The following ABHD16A variants were observed in gnomAD, a reference collection of about 807,000 sequenced individuals.
ABHD16A encodes the protein phosphatidylserine lipase ABHD16A.
A neutral mutation model predicts 89.8 loss-of-function variants in ABHD16A; 47 were observed. The observed-to-expected ratio is 0.52, with a 90% CI of 0.41 to 0.67. The LOEUF is 0.67. ABHD16A is among the 30% of genes least tolerant of loss of function. ABHD16A has a pLI of 0.00. For synonymous variants in ABHD16A, 251 were observed against 280.4 expected (o/e 0.90, Z 1.05); for missense variants, 580 against 734.6 (o/e 0.79, Z 2.43).
At chr6:31,699,408 CAAAAAA>C (rs9281558) in intron 4 of ABHD16A, among the ~76,000 whole-genome samples, 1 of 54,266 alleles carries the variant, frequency 1.8e-5, no homozygotes, top group South Asian at 6.3e-4. Flanking sequence ...GACTCCGTCT[CAAAAAA>C]AAAAAAAAAA....
At chr6:31,696,546 T>C (rs531671228) in intron 5 of ABHD16A, among the ~76,000 whole-genome samples, 1 of 151,040 alleles carries the variant, frequency 6.6e-6, no homozygotes, top group Admixed American at 6.6e-5. Flanking sequence ...GACAGGAGAA[T>C]CACTTGAACC....
chr6:31,687,345 G>A lies in ABHD16A; in HGVS notation c.1594-50C>T. ...GGGGTACAGAGCACTGTTGGGAGGG[G>A]CAGCCACTGGACTCCCTCCCCACCC... On this transcript the variant is annotated intron_variant, in intron 19 of 19. Coordinates refer to ENST00000395952, the MANE Select transcript of ABHD16A (RefSeq NM_021160.3). This position sits in a 1 kb window ranked among gnomAD's most constrained non-coding sequence, Gnocchi z 6.3. 1 of 1,595,650 alleles carries A rather than the reference G, an allele frequency of 6.3e-7. No individual in the cohort carries two copies.
chr6:31,702,828 G>T, intron 1 of ABHD16A: 2 of 1,404,104 alleles, frequency 1.4e-6, no homozygotes, highest in Non-Finnish European at 1.9e-6. Flanking sequence ...CGGCTCCCCA[G>T]TCCGCGCAGG....
chr6:31,702,956 A>T, intron 1 of ABHD16A, 194 bp downstream of exon 1: 1 of 1,297,726 alleles, frequency 7.7e-7, no homozygotes. Context: ...AGCGGTAAAG[A>T]GCGAAAAAGA....
intron 11 of ABHD16A, 151 bp downstream of exon 11, chr6:31,689,927 C>T (rs1020000205): frequency 8.8e-7 from 1 of 1,138,364 alleles, no homozygotes; most frequent in Non-Finnish European, 1.2e-6. Context: ...GGCATGGCTC[C>T]CAATGCTGCC....
chr6:31,687,387 C>T lies in ABHD16A; in HGVS notation c.1594-92G>A, dbSNP rs1803397862. 3 of 1,598,932 alleles carry T rather than the reference C, an allele frequency of 1.9e-6. No individual in the cohort carries two copies. Among genetic ancestry groups the T allele is most frequent in the Non-Finnish European group, 2.6e-6 (3 of 1,167,660 alleles). ...TCCCCACCCTCCACTTCCGCATCCA[C>T]CACCCACTCTACAAAAGCTGCCACT... On this transcript the variant is annotated intron_variant, in intron 19 of 19. Transcript: ENST00000395952. The surrounding 1 kb of genome is among the most constrained non-coding windows in gnomAD (Gnocchi z 6.3).
At position 31,687,190 on chromosome 6, in the gene ABHD16A, CATA is replaced by C. The variant is rs1352802173; in HGVS notation, c.*19_*21del. 5 of 1,599,164 alleles carry C rather than the reference CATA, an allele frequency of 3.1e-6. No individual in the cohort carries two copies. Among genetic ancestry groups the C allele is most frequent in the East Asian group, 2.2e-5 (1 of 44,798 alleles). Reference sequence around the variant, plus strand: ...CATGTCTCCTCTCACCCCATTCTTCCATAATGAGTCCCAGTTGGTCCCTAGAGG... The same window carrying C: ...CATGTCTCCTCTCACCCCATTCTTCCATGAGTCCCAGTTGGTCCCTAGAGG... On this transcript the variant is annotated 3_prime_UTR_variant, in exon 20 of 20. Transcript: ENST00000395952. This position sits in a 1 kb window ranked among gnomAD's most constrained non-coding sequence, Gnocchi z 6.3.
At position 31,687,539 on chromosome 6, in the gene ABHD16A, C is replaced by T; in HGVS notation, c.1552G>A (p.Asp518Asn). 6.2e-7 allele frequency: 1 copy of T among 1,613,100 alleles called. No individual in the cohort carries two copies. The highest frequency in any genetic ancestry group is 1.1e-5 in the South Asian group (1 of 91,074). ...TGCCGCCGTCCATCTGCACTCATGT[C>T]CTCCCCTGCAGAGAGGAGGCGCTCA... ...GPDFPWSVGE[D>N]MSADGRRQLA... is the part of the protein sequence containing the mutation. Residue 518 changes from aspartate to asparagine, a missense_variant, in exon 19 of 20, where the codon GAC (aspartate) becomes AAC (asparagine). Transcript: ENST00000395952. The surrounding 1 kb of genome is among the most constrained non-coding windows in gnomAD (Gnocchi z 6.3).
rs1236971366 is a variant in ABHD16A, at chr6:31,693,495, TCAA to T, written c.430-66_430-64del. On this transcript the variant is annotated intron_variant, in intron 5 of 19. Transcript: ENST00000395952. This position sits in a 1 kb window ranked among gnomAD's most constrained non-coding sequence, Gnocchi z 5.0. ...TCAGGGGAGGCTCTCCTACCCACCCTCAACAACACCTTCGTTATCCAGGGGTCT... is the reference window on the plus strand; with the variant it reads ...TCAGGGGAGGCTCTCCTACCCACCCTCAACACCTTCGTTATCCAGGGGTCT... 9.4e-6 allele frequency: 14 copies of T among 1,494,556 alleles called. No homozygotes were observed. The highest frequency in any genetic ancestry group is 1.3e-5 in the Non-Finnish European group (14 of 1,077,830). The allele number at this position is 1,494,556 out of a possible 1,614,324, so 92.6% of individuals were successfully genotyped here.
Position 31,693,884 on chromosome 6 carries a change from G to A in ABHD16A, c.430-452C>T, listed in dbSNP as rs903352804. ...ACCCAAGGTTGAGTGAGACAGAGAGGAGGGAAGTCACGCCCACAGTGGGCT... is the reference window on the plus strand; with the variant it reads ...ACCCAAGGTTGAGTGAGACAGAGAGAAGGGAAGTCACGCCCACAGTGGGCT... On this transcript the variant is annotated intron_variant, in intron 5 of 19. Transcript: ENST00000395952. This position sits in a 1 kb window ranked among gnomAD's most constrained non-coding sequence, Gnocchi z 5.0. Among the ~76,000 whole-genome samples, 1 of 152,202 alleles carries A rather than the reference G, an allele frequency of 6.6e-6. No homozygotes were observed.
intron 3 of ABHD16A, 84 bp from the exon 4 acceptor site, chr6:31,701,112 A>C: frequency 2.2e-6 from 3 of 1,369,620 alleles, no homozygotes; most frequent in Non-Finnish European, 2.1e-6. Flanking sequence ...CCTCCACCCC[A>C]CACTCCCTGT....
Position 31,693,895 on chromosome 6 carries a change from C to T in ABHD16A, c.430-463G>A, listed in dbSNP as rs1450025243. Reference sequence around the variant, plus strand: ...AGTGAGACAGAGAGGAGGGAAGTCACGCCCACAGTGGGCTCCTCTGCCATG... The same window carrying T: ...AGTGAGACAGAGAGGAGGGAAGTCATGCCCACAGTGGGCTCCTCTGCCATG... On this transcript the variant is annotated intron_variant, in intron 5 of 19. Transcript: ENST00000395952. This position sits in a 1 kb window ranked among gnomAD's most constrained non-coding sequence, Gnocchi z 5.0. Among the ~76,000 whole-genome samples the T allele has an allele frequency of 1.3e-5, 2 of 152,192 alleles. No individual in the cohort carries two copies. The highest frequency in any genetic ancestry group is 3.9e-4 in the East Asian group (2 of 5,194).
At chr6:31,702,018 CA>C (rs1805058979) in intron 2 of ABHD16A, 55 bp downstream of exon 2, 1 of 1,605,484 alleles carries the variant, frequency 6.2e-7, no homozygotes, top group Non-Finnish European at 8.5e-7. Context: ...GGGCTAAGTT[CA>C]AGAGGACAGG....
Position 31,690,071 on chromosome 6 carries a change from G to T in ABHD16A, c.957+7C>A. The T allele has an allele frequency of 6.3e-7, 1 of 1,590,254 alleles. No homozygotes were observed. Among genetic ancestry groups the T allele is most frequent in the Non-Finnish European group, 8.6e-7 (1 of 1,169,502 alleles). On this transcript the variant is annotated splice_region_variant and intron_variant, in intron 11 of 19. Coordinates refer to ENST00000395952, the MANE Select transcript of ABHD16A (RefSeq NM_021160.3). The surrounding 1 kb of genome is among the most constrained non-coding windows in gnomAD (Gnocchi z 4.1). ...GGAAAAGGAAGGGATTCCTGAGATG[G>T]TCTCACCGTGCTTCCAGCAAAGCCT...
Position 31,688,535 on chromosome 6 carries a change from C to A in ABHD16A, c.1250+188G>T. The A allele has an allele frequency of 1.2e-6, 1 of 825,612 alleles. No individual in the cohort carries two copies. Among genetic ancestry groups the A allele is most frequent in the South Asian group, 1.7e-5 (1 of 57,996 alleles). The allele number at this position is 825,612 out of a possible 1,614,324, so 51.1% of individuals were successfully genotyped here. A position where few individuals can be genotyped will look rare whatever the true frequency, so the allele number is the denominator to read the frequency against. On this transcript the variant is annotated intron_variant, in intron 14 of 19. Transcript: ENST00000395952. The surrounding 1 kb of genome is among the most constrained non-coding windows in gnomAD (Gnocchi z 4.9). The stretch of plus-strand genomic sequence containing the variant: ...GCCTTAACCCTTTGGTTGCCAGATC[C>A]TGAGGTGGTCCAGAGTCCCAGGGGA...
Position 31,688,123 on chromosome 6 carries a change from A to G in ABHD16A, c.1308-20T>C. 2 of 1,609,294 alleles carry G rather than the reference A, an allele frequency of 1.2e-6. No homozygotes were observed. The highest frequency in any genetic ancestry group is 1.7e-6 in the Non-Finnish European group (2 of 1,177,024). On this transcript the variant is annotated intron_variant, in intron 15 of 19. Transcript: ENST00000395952. This position sits in a 1 kb window ranked among gnomAD's most constrained non-coding sequence, Gnocchi z 4.9. ...GGAACCCTGGGGGTGAGAAGAATGT[A>G]CCCTGGAGGGGCTGGAGGTTAGGAG...
At chr6:31,689,809 A>T in intron 11 of ABHD16A, 105 bp from the exon 12 acceptor site, 1 of 1,470,078 alleles carries the variant, frequency 6.8e-7, no homozygotes, top group Non-Finnish European at 9.1e-7. Context: ...CAGGCAGAGA[A>T]GGTGTAGAAG....
chr6:31,690,617 G>C lies in ABHD16A; in HGVS notation c.844-15C>G. ...CAGCAGATCACCTAGGAAGGAGGCA[G>C]GAAGGAAGGGCTGGGGGGCCAAGTT... On this transcript the variant is annotated splice_polypyrimidine_tract_variant and intron_variant, in intron 9 of 19. Coordinates refer to ENST00000395952, the MANE Select transcript of ABHD16A (RefSeq NM_021160.3). This position sits in a 1 kb window ranked among gnomAD's most constrained non-coding sequence, Gnocchi z 4.1. 6.2e-7 allele frequency: 1 copy of C among 1,612,796 alleles called. No individual in the cohort carries two copies. Among genetic ancestry groups the C allele is most frequent in the Non-Finnish European group, 8.5e-7 (1 of 1,179,868 alleles).
chr6:31,693,414 T>C lies in ABHD16A; in HGVS notation c.448A>G (p.Asn150Asp). The C allele has an allele frequency of 6.2e-7, 1 of 1,612,934 alleles. No individual in the cohort carries two copies. The highest frequency in any genetic ancestry group is 8.5e-7 in the Non-Finnish European group (1 of 1,180,004). The stretch of plus-strand genomic sequence containing the variant: ...ACTGGCCAGCTCCGGAAGTCAAAGT[T>C]GTAGTTGGCAAGCTGCCTCTGCAGT... The part of the protein sequence containing the change: ...SENKRQLANY[N>D]FDFRSWPVDF... The change falls in exon 6 of 20, where the codon AAC (asparagine) becomes GAC (aspartate). Residue 150 changes from asparagine (N) to aspartate (D), a missense_variant. Coordinates refer to ENST00000395952, the MANE Select transcript of ABHD16A (RefSeq NM_021160.3). The surrounding 1 kb of genome is among the most constrained non-coding windows in gnomAD (Gnocchi z 5.0).
Sources: allele counts gnomAD v4.1 joint callset (sites outside exome capture counted in the v4.1 genomes callset), GRCh38; gene constraint gnomAD v4.1.1; non-coding constraint Gnocchi (gnomAD v3.1); transcripts MANE v1.5; gene names NCBI Gene and HGNC (gene_info 2026-07-23, HGNC 2026-07-21).